Variants in CELF2 observed in about 807,000 individuals in gnomAD.
The protein encoded by CELF2 is CUG triplet repeat RNA-binding protein 2.
A neutral mutation model predicts 62.6 loss-of-function variants in CELF2; 8 were observed. The ratio of observed to expected loss-of-function variants is 0.13; its 90% confidence interval spans 0.07 to 0.23. The LOEUF is 0.23. Among genes scored for constraint, CELF2 ranks in the 10% least tolerant of loss-of-function variants. The pLI, the probability that CELF2 is intolerant of heterozygous loss-of-function variation, is 1.00. For missense variants in CELF2, 333 were observed against 671.0 expected (o/e 0.50, Z 5.56); for synonymous variants, 258 against 250.0 (o/e 1.03, Z -0.30).
At chr10:10,849,813 C>A (rs1202205057) in intron 1 of CELF2, among the ~76,000 whole-genome samples, 1 of 151,280 alleles carries the variant, frequency 6.6e-6, no homozygotes, top group Non-Finnish European at 1.5e-5. Flanking sequence ...AAAAATTTAT[C>A]CAGTTAGGAT....
the CELF2 span, among the ~76,000 whole-genome samples, chr10:10,587,888 C>T: frequency 6.6e-6 from 1 of 152,070 alleles, no homozygotes; most frequent in Non-Finnish European, 1.5e-5. Flanking sequence ...GATCCCAGGG[C>T]ATGTTATAAA....
At chr10:10,628,353 G>A in the CELF2 span, among the ~76,000 whole-genome samples, 1 of 152,230 alleles carries the variant, frequency 6.6e-6, no homozygotes, top group Admixed American at 6.5e-5. Flanking sequence ...GGAGACAGAA[G>A]GAAGGGAGAG....
intron 5 of CELF2, 41 bp downstream of exon 5, chr10:11,257,913 A>G: frequency 1.2e-6 from 2 of 1,608,622 alleles, no homozygotes; most frequent in Non-Finnish European, 1.7e-6. Context: ...TTCAGTGCTA[A>G]TTGGAGCTCT....
In CELF2 at chr10:11,314,891, A is replaced by G. The variant is rs2094825364; in HGVS notation, c.1096+633A>G. ...GAATCTTTATTAAGCACCCACAGGT[A>G]TGGGTCACTCTACATCAGTGACCAT... On this transcript the variant is annotated intron_variant, in intron 10 of 12. Transcript: ENST00000633077. This position sits in a 1 kb window ranked among gnomAD's most constrained non-coding sequence, Gnocchi z 5.3. 1 of 172,744 alleles carries G rather than the reference A, an allele frequency of 5.8e-6. No homozygotes were observed. Among genetic ancestry groups the G allele is most frequent in the African/African-American group, 2.4e-5 (1 of 41,674 alleles). 10.7% of individuals were successfully genotyped at this position (172,744 alleles called of 1,614,324 possible).
At position 11,039,201 on chromosome 10, in the gene CELF2, A is replaced by G. The variant is rs1227389340; in HGVS notation, c.74+21038A>G. Reference sequence around the variant, plus strand: ...GTGATGCAGTGAGCCTTCTGCCCACAACACTTCGTGCCCTGTATGGCACAG... The same window carrying G: ...GTGATGCAGTGAGCCTTCTGCCCACGACACTTCGTGCCCTGTATGGCACAG... On this transcript the variant is annotated intron_variant, in intron 1 of 12. Transcript: ENST00000633077. This position sits in a 1 kb window ranked among gnomAD's most constrained non-coding sequence, Gnocchi z 4.1. Among the ~76,000 whole-genome samples the G allele has an allele frequency of 1.3e-5, 2 of 152,204 alleles. No individual in the cohort carries two copies. The highest frequency in any genetic ancestry group is 4.8e-5 in the African/African-American group (2 of 41,448).
chr10:10,811,921 A>G (rs1305570390), intron 1 of CELF2, among the ~76,000 whole-genome samples: 1 of 152,094 alleles, frequency 6.6e-6, no homozygotes, highest in South Asian at 2.1e-4. Context: ...AGAGAAAATC[A>G]CCATGTGCCC....
At chr10:11,190,498 A>G (rs2076035909) in intron 2 of CELF2, among the ~76,000 whole-genome samples, 1 of 151,964 alleles carries the variant, frequency 6.6e-6, no homozygotes, top group Non-Finnish European at 1.5e-5. Context: ...AAAGGCAGAG[A>G]TTTTCATTTG....
Position 11,177,527 on chromosome 10 carries a change from C to G in CELF2, c.271+11845C>G, listed in dbSNP as rs636416. ...GAAGAAATGTTGCTTAATTTGTACA[C>G]TTCCCTGCAGTGCTGGAAATGGACT... On this transcript the variant is annotated intron_variant, in intron 2 of 12. Transcript: ENST00000633077. This position sits in a 1 kb window ranked among gnomAD's most constrained non-coding sequence, Gnocchi z 4.8. Among the ~76,000 whole-genome samples the G allele has an allele frequency of 0.094, 14,306 of 152,102 alleles. 906 individuals are homozygous for G. The highest frequency in any genetic ancestry group is 0.17 in the African/African-American group (6,964 of 41,460).
At chr10:10,950,534 C>T (rs1478378218) in intron 2 of CELF2, among the ~76,000 whole-genome samples, 3 of 152,044 alleles carry the variant, frequency 2.0e-5, no homozygotes, top group Non-Finnish European at 2.9e-5. Flanking sequence ...TCTTTAATAG[C>T]GCCTTATCAT....
the CELF2 span, among the ~76,000 whole-genome samples, chr10:10,651,857 A>T: frequency 6.6e-6 from 1 of 151,100 alleles, no homozygotes; most frequent in Non-Finnish European, 1.5e-5. Flanking sequence ...CAGCAACGGA[A>T]CAAAGCTGGA....
chr10:11,221,315 T>C (rs1443854025), intron 3 of CELF2, among the ~76,000 whole-genome samples: 2 of 152,244 alleles, frequency 1.3e-5, no homozygotes, highest in African/African-American at 4.8e-5. Context: ...AATGTCATTA[T>C]CTACCATTGT....
chr10:11,063,207 A>G (rs1021302236), intron 1 of CELF2, among the ~76,000 whole-genome samples: 2 of 152,204 alleles, frequency 1.3e-5, no homozygotes, highest in African/African-American at 4.8e-5. Flanking sequence ...CTTTATTTTG[A>G]TGGTCTGGAA....
chr10:10,551,401 G>A, the CELF2 span, among the ~76,000 whole-genome samples: 2 of 152,132 alleles, frequency 1.3e-5, no homozygotes, highest in Non-Finnish European at 2.9e-5. Context: ...AGCTGAAGGA[G>A]ACTCCCACGT....
intron 3 of CELF2, among the ~76,000 whole-genome samples, chr10:11,245,807 C>G (rs1439030805): frequency 6.6e-6 from 1 of 152,228 alleles, no homozygotes; most frequent in Non-Finnish European, 1.5e-5. Flanking sequence ...GAGTGTGTGT[C>G]TGCCCTCTTC....
chr10:11,064,100 C>T (rs2067478803), intron 1 of CELF2, among the ~76,000 whole-genome samples: 1 of 152,270 alleles, frequency 6.6e-6, no homozygotes, highest in South Asian at 2.1e-4. Context: ...TTGATCCCCT[C>T]CTTCTGGAGT....
intron 1 of CELF2, among the ~76,000 whole-genome samples, chr10:10,829,157 T>C (rs1210102241): frequency 2.0e-5 from 3 of 152,252 alleles, no homozygotes; most frequent in Non-Finnish European, 4.4e-5. Flanking sequence ...ATCTTGTCAC[T>C]GTCCTATGGA....
At chr10:11,274,103 TAATAA>T (rs1235851257) in intron 7 of CELF2, among the ~76,000 whole-genome samples, 3 of 152,100 alleles carry the variant, frequency 2.0e-5, no homozygotes, top group Admixed American at 1.3e-4. Flanking sequence ...AATATTTCAG[TAATAA>T]AATAAATGTG....
At chr10:10,661,919 T>G in the CELF2 span, among the ~76,000 whole-genome samples, 1 of 152,164 alleles carries the variant, frequency 6.6e-6, no homozygotes, top group Non-Finnish European at 1.5e-5. Context: ...TACAGACCTT[T>G]GTATCTAAAC....
the CELF2 span, among the ~76,000 whole-genome samples, chr10:10,791,075 A>G: frequency 6.6e-6 from 1 of 152,212 alleles, no homozygotes; most frequent in Non-Finnish European, 1.5e-5. Flanking sequence ...TCCTTGATAC[A>G]TACTAAATTT....
Sources: gnomAD v4.1 joint callset for allele counts (sites outside exome capture counted in the v4.1 genomes callset) on GRCh38, gnomAD v4.1.1 for gene constraint, Gnocchi (gnomAD v3.1) non-coding constraint, MANE v1.5 for transcripts, NCBI Gene and HGNC (gene_info 2026-07-23, HGNC 2026-07-21) for gene names.